The following KDM4B variants were observed in gnomAD, a reference collection of about 807,000 sequenced individuals.
The protein encoded by KDM4B is lysine demethylase 4B, also known as lysine-specific demethylase 4B.
A neutral mutation model predicts 125.2 loss-of-function variants in KDM4B; 32 were observed. The observed-to-expected ratio is 0.26, with a 90% CI of 0.19 to 0.34. The LOEUF (loss-of-function observed/expected upper bound fraction) is 0.34. Among genes scored for constraint, KDM4B ranks in the 10% least tolerant of loss-of-function variants. The pLI is 1.00. For missense variants in KDM4B, 1,190 were observed against 1,577.7 expected, an observed-to-expected ratio of 0.75 and a Z score of 4.16; for synonymous variants, 721 against 677.9, an observed-to-expected ratio of 1.06 and a Z score of -0.99.
chr19:5,151,248 C>G (rs2039941751), intron 22 of KDM4B, 87 bp from the exon 23 acceptor site: 4 of 1,171,784 alleles, frequency 3.4e-6, no homozygotes, highest in Non-Finnish European at 3.4e-6. Context: ...TGTGTCCAGC[C>G]AGCTCCTCTC....
chr19:5,136,188 C>T (rs950859784), intron 15 of KDM4B, among the ~76,000 whole-genome samples: 35 of 152,310 alleles, frequency 2.3e-4, no homozygotes, highest in Non-Finnish European at 3.2e-4. Flanking sequence ...GCAGCCGCTA[C>T]GCCTGTGATT....
intron 6 of KDM4B, among the ~76,000 whole-genome samples, chr19:5,065,289 T>C (rs1599541904): frequency 1.3e-5 from 2 of 152,352 alleles, no homozygotes; most frequent in Middle Eastern, 6.8e-3. Flanking sequence ...CTGCTCACCG[T>C]CATCGTAGCT....
At chr19:5,137,125 C>G in intron 15 of KDM4B, 137 bp from the exon 16 acceptor site, 1 of 640,486 alleles carries the variant, frequency 1.6e-6, no homozygotes, top group Non-Finnish European at 2.8e-6. Flanking sequence ...CTGAATGCTG[C>G]AGCTGCGTGC....
In KDM4B at chr19:5,111,694, A is replaced by T. The variant is rs2039149695; in HGVS notation, c.1115+876A>T. 8 of 745,112 alleles carry T rather than the reference A, an allele frequency of 1.1e-5. No individual in the cohort carries two copies. In the South Asian group the frequency reaches 1.1e-4, roughly 10 times the overall value. 46.2% of individuals were successfully genotyped at this position (745,112 alleles called of 1,614,324 possible). Reference sequence around the variant, plus strand: ...CCCCTGAGCATGAGCTGGAGCCGGGAGGGACGGCACAGAGTGGGCTCAGCC... The same window carrying T: ...CCCCTGAGCATGAGCTGGAGCCGGGTGGGACGGCACAGAGTGGGCTCAGCC... On this transcript the variant is annotated intron_variant, in intron 10 of 22. Coordinates refer to ENST00000159111, the MANE Select transcript of KDM4B (RefSeq NM_015015.3).
In KDM4B at chr19:5,035,880, T is replaced by TGTGTGTGTGCGCGCGCGC. The variant is rs58219404; in HGVS notation, c.141+2850_141+2851insTGTGTGTGCGCGCGCGCG. 1.5e-5 allele frequency among the ~76,000 whole-genome samples: 2 copies of TGTGTGTGTGCGCGCGCGC among 136,400 alleles called. No homozygotes were observed. Among genetic ancestry groups the TGTGTGTGTGCGCGCGCGC allele is most frequent in the Non-Finnish European group, 3.2e-5 (2 of 62,354 alleles). The allele number at this position is 136,400 out of a possible 152,430, so 89.5% of individuals were successfully genotyped here. ...ACGTGTCTCTGTGTGTGTGTGTGTG[T>TGTGTGTGTGCGCGCGCGC]GCGCGCGCGCGCGCGCCTGCGCGCA... On this transcript the variant is annotated intron_variant, in intron 3 of 22. Coordinates refer to ENST00000159111, the MANE Select transcript of KDM4B (RefSeq NM_015015.3). This position sits in a 1 kb window ranked among gnomAD's most constrained non-coding sequence, Gnocchi z 5.3.
chr19:5,070,918 G>A (rs1424194215), intron 6 of KDM4B, 92 bp from the exon 7 acceptor site: 26 of 1,355,594 alleles, frequency 1.9e-5, no homozygotes, highest in East Asian at 9.3e-5. Flanking sequence ...CCTGGGCACT[G>A]TCTGCGTCTC....
intron 6 of KDM4B, among the ~76,000 whole-genome samples, chr19:5,051,378 C>T (rs2145725399): frequency 6.6e-6 from 1 of 152,358 alleles, no homozygotes; most frequent in Admixed American, 6.5e-5. Context: ...GCTTCGGGTC[C>T]CCTTTTGCCC....
chr19:5,089,098 C>G (rs921105195), intron 9 of KDM4B, among the ~76,000 whole-genome samples: 2 of 152,198 alleles, frequency 1.3e-5, no homozygotes, highest in East Asian at 3.8e-4. Context: ...TGAAAATGCT[C>G]TACCTTTGAT....
At chr19:5,060,985 T>G (rs2037576417) in intron 6 of KDM4B, among the ~76,000 whole-genome samples, 1 of 152,240 alleles carries the variant, frequency 6.6e-6, no homozygotes, top group Admixed American at 6.5e-5. Flanking sequence ...GTGACATGGC[T>G]TGCCTCGGCG....
intron 6 of KDM4B, among the ~76,000 whole-genome samples, chr19:5,056,265 G>A (rs546011482): frequency 1.3e-5 from 2 of 152,192 alleles, no homozygotes; most frequent in Admixed American, 6.5e-5. Flanking sequence ...AGCCATCAGC[G>A]TGATGTCACT....
chr19:5,101,241 ATCT>A (rs967593696), intron 9 of KDM4B, among the ~76,000 whole-genome samples: 24 of 150,474 alleles, frequency 1.6e-4, no homozygotes, highest in Non-Finnish European at 2.8e-4. Flanking sequence ...AAAAAAAAAA[ATCT>A]TCTCTGTCCT....
intron 2 of KDM4B, among the ~76,000 whole-genome samples, chr19:5,020,075 G>C (rs1162185918): frequency 3.3e-5 from 5 of 149,348 alleles, no homozygotes; most frequent in Admixed American, 6.7e-5. Flanking sequence ...GTGTGCAGGT[G>C]TTGGTGTGGA....
chr19:5,095,661 G>A (rs1224828681), intron 9 of KDM4B, among the ~76,000 whole-genome samples: 1 of 152,208 alleles, frequency 6.6e-6, no homozygotes, highest in African/African-American at 2.4e-5. Context: ...AGCCTGCTAG[G>A]AGGAGGGAGA....
At chr19:4,984,134 C>T (rs1031149900) in intron 1 of KDM4B, among the ~76,000 whole-genome samples, 2 of 152,084 alleles carry the variant, frequency 1.3e-5, no homozygotes, top group Non-Finnish European at 2.9e-5. Context: ...CTGCAGTGCC[C>T]CGGGCGGCCT....
intron 9 of KDM4B, among the ~76,000 whole-genome samples, chr19:5,097,779 T>G (rs2038856122): frequency 6.6e-6 from 1 of 152,220 alleles, no homozygotes. Flanking sequence ...CAGTGTTGGC[T>G]GTTCCAGAAA....
At chr19:5,080,405 A>G (rs944394035) in intron 8 of KDM4B, among the ~76,000 whole-genome samples, 1 of 152,246 alleles carries the variant, frequency 6.6e-6, no homozygotes, top group Non-Finnish European at 1.5e-5. Flanking sequence ...GGCCCGATGA[A>G]TTCGGCGTGA....
intron 11 of KDM4B, among the ~76,000 whole-genome samples, chr19:5,121,468 C>T (rs2039360022): frequency 6.6e-6 from 1 of 152,134 alleles, no homozygotes; most frequent in Non-Finnish European, 1.5e-5. Flanking sequence ...TACAGGCAGC[C>T]GCCTGGTGAC....
In KDM4B at chr19:5,027,069, C is replaced by T. The variant is rs184719338; in HGVS notation, c.-25-5797C>T. ...CACGGCACCCCGAGGCCCAGAGTCC[C>T]GTGAGCGGGAGACAGAGAAAGGGGT... On this transcript the variant is annotated intron_variant, in intron 2 of 22. Transcript: ENST00000159111. Among the ~76,000 whole-genome samples, 13 of 152,336 alleles carry T rather than the reference C, an allele frequency of 8.5e-5. No individual in the cohort carries two copies. In the East Asian group the frequency reaches 1.2e-3, roughly 14 times the overall value.
chr19:5,142,936 C>T lies in KDM4B; in HGVS notation c.2551-1031C>T, dbSNP rs1034389396. Among the ~76,000 whole-genome samples the T allele has an allele frequency of 9.2e-5, 14 of 151,978 alleles. No individual in the cohort carries two copies. The highest frequency in any genetic ancestry group is 2.0e-4 in the Admixed American group (3 of 15,260). On this transcript the variant is annotated intron_variant, in intron 18 of 22. Transcript: ENST00000159111. This position sits in a 1 kb window ranked among gnomAD's most constrained non-coding sequence, Gnocchi z 5.4. ...GGCCGCCAGGGCCCCGGTGCTGGCTCGGGCAGGTGTTGCAGCGGGAGCCTC... is the reference window on the plus strand; with the variant it reads ...GGCCGCCAGGGCCCCGGTGCTGGCTTGGGCAGGTGTTGCAGCGGGAGCCTC...
Sources: gnomAD v4.1 joint callset for allele counts (sites outside exome capture counted in the v4.1 genomes callset) on GRCh38, gnomAD v4.1.1 for gene constraint, Gnocchi (gnomAD v3.1) non-coding constraint, MANE v1.5 for transcripts, NCBI Gene and HGNC (gene_info 2026-07-23, HGNC 2026-07-21) for gene names.